IMPG1: variants seen among roughly 807,000 people sequenced by gnomAD.
The protein encoded by IMPG1 is interphotoreceptor matrix proteoglycan of 150 kDa.
IMPG1 carries 85 observed loss-of-function variants against 92.0 expected under a neutral mutation model. That is an observed-to-expected ratio of 0.92 (90% CI 0.78 to 1.11). IMPG1 has a LOEUF of 1.11. Among genes scored for constraint, IMPG1 ranks in the 50% least tolerant of loss-of-function variants. The pLI is 0.00. For missense variants in IMPG1, 1,022 were observed against 956.0 expected (o/e 1.07, Z -0.91); for synonymous variants, 367 against 334.1 (o/e 1.10, Z -1.08).
intron 14 of IMPG1, among the ~76,000 whole-genome samples, chr6:75,944,291 A>G (rs1312800254): frequency 1.3e-5 from 2 of 152,076 alleles, no homozygotes; most frequent in African/African-American, 4.8e-5. Flanking sequence ...TGGAAGGAAA[A>G]CCTTTGAGGG....
At chr6:75,942,769 T>G (rs527422190) in intron 14 of IMPG1, among the ~76,000 whole-genome samples, 7 of 152,184 alleles carry the variant, frequency 4.6e-5, no homozygotes, top group African/African-American at 7.2e-5. Context: ...TATTGCTAGA[T>G]TTAAAAAAGA....
intron 12 of IMPG1, among the ~76,000 whole-genome samples, chr6:75,966,965 G>A (rs1249497230): frequency 6.6e-6 from 1 of 152,114 alleles, no homozygotes; most frequent in African/African-American, 2.4e-5. Flanking sequence ...ATCATCTGAG[G>A]TCAGGAGTTC....
At chr6:75,960,198 A>C (rs1056826630) in intron 12 of IMPG1, among the ~76,000 whole-genome samples, 1 of 152,004 alleles carries the variant, frequency 6.6e-6, no homozygotes, top group Non-Finnish European at 1.5e-5. Flanking sequence ...CGTGGGCTGC[A>C]CCCACTGTCT....
At chr6:75,990,300 A>G (rs528573437) in intron 12 of IMPG1, among the ~76,000 whole-genome samples, 1 of 152,320 alleles carries the variant, frequency 6.6e-6, no homozygotes, top group South Asian at 2.1e-4. Flanking sequence ...AATACAGAGA[A>G]CGGGCCAACT....
chr6:76,001,486 T>C (rs1782989318), intron 12 of IMPG1, among the ~76,000 whole-genome samples: 1 of 152,100 alleles, frequency 6.6e-6, no homozygotes. Context: ...GCCTAGCAAT[T>C]GGAATGTGAG....
At chr6:76,005,818 G>A (rs1783086104) in intron 9 of IMPG1, among the ~76,000 whole-genome samples, 1 of 151,114 alleles carries the variant, frequency 6.6e-6, no homozygotes, top group Non-Finnish European at 1.5e-5. Context: ...TTTTACTTTA[G>A]GTTTTTTTTT....
intron 1 of IMPG1, among the ~76,000 whole-genome samples, chr6:76,070,170 C>A (rs1363676211): frequency 1.3e-5 from 2 of 152,114 alleles, no homozygotes; most frequent in Non-Finnish European, 2.9e-5. Context: ...TAACAAAGAA[C>A]ATGAACAGAT....
chr6:76,047,982 G>A (rs1219441344), intron 1 of IMPG1, among the ~76,000 whole-genome samples: 1 of 152,136 alleles, frequency 6.6e-6, no homozygotes, highest in Non-Finnish European at 1.5e-5. Context: ...GTATATTTTA[G>A]TACAATCTGC....
intron 12 of IMPG1, among the ~76,000 whole-genome samples, chr6:75,957,495 T>G (rs993811316): frequency 6.6e-6 from 1 of 152,278 alleles, no homozygotes; most frequent in East Asian, 1.9e-4. Flanking sequence ...CTGTCTAATA[T>G]AGATAGTGGG....
chr6:76,062,381 T>C (rs769860670), intron 1 of IMPG1, among the ~76,000 whole-genome samples: 12 of 152,214 alleles, frequency 7.9e-5, no homozygotes, highest in Non-Finnish European at 1.8e-4. Context: ...AAAATGATGC[T>C]TGTCAAAATT....
intron 12 of IMPG1, among the ~76,000 whole-genome samples, chr6:75,981,690 G>A (rs1782630555): frequency 6.6e-6 from 1 of 152,204 alleles, no homozygotes; most frequent in Non-Finnish European, 1.5e-5. Flanking sequence ...CTGCGTCAAA[G>A]CATTCTGTAA....
chr6:75,927,731 C>T lies in IMPG1; in HGVS notation c.2243+3222G>A, dbSNP rs79487730. On this transcript the variant is annotated intron_variant, in intron 15 of 16. Transcript: ENST00000369950. The stretch of plus-strand genomic sequence containing the variant: ...TAAGCATCTTTCCCTCCCTCCCTCC[C>T]TCCCTCCCTTTCTTCCTTCCCCACT... 7.3e-3 allele frequency among the ~76,000 whole-genome samples: 1,113 copies of T among 151,502 alleles called. 13 individuals are homozygous for T. The highest frequency in any genetic ancestry group is 0.026 in the African/African-American group (1,059 of 41,310).
intron 5 of IMPG1, 80 bp from the exon 6 acceptor site, chr6:76,022,299 C>T (rs962023058): frequency 3.8e-5 from 26 of 679,632 alleles, no homozygotes; most frequent in Non-Finnish European, 6.4e-5. Flanking sequence ...ATTCAATATG[C>T]TTTTTCTGTC....
At chr6:75,928,421 A>ACTC (rs1261630148) in intron 15 of IMPG1, 2 of 151,624 alleles carry the variant, frequency 1.3e-5, no homozygotes, top group Non-Finnish European at 2.9e-5. Context: ...CTGGTCTCCA[A>ACTC]CTCCTGACCT....
In IMPG1 at chr6:76,069,215, A is replaced by C. The variant is rs1784366555; in HGVS notation, c.67+3207T>G. On this transcript the variant is annotated intron_variant, in intron 1 of 16. Transcript: ENST00000369950. ...ACCAATATCCCTCACTGTATATAAA[A>C]ATTAGCCCAATAGAGATAAAAGACT... Among the ~76,000 whole-genome samples the C allele has an allele frequency of 2.6e-5, 4 of 152,156 alleles. No homozygotes were observed. In the South Asian group the frequency reaches 8.3e-4, roughly 32 times the overall value.
At chr6:76,064,011 C>T (rs1384337543) in intron 1 of IMPG1, among the ~76,000 whole-genome samples, 3 of 152,156 alleles carry the variant, frequency 2.0e-5, no homozygotes, top group African/African-American at 4.8e-5. Flanking sequence ...GTCAGGCAGC[C>T]TCAGTGCTGA....
intron 14 of IMPG1, among the ~76,000 whole-genome samples, chr6:75,946,926 A>C (rs558983645): frequency 6.6e-6 from 1 of 152,294 alleles, no homozygotes; most frequent in Non-Finnish European, 1.5e-5. Context: ...TTGCTTAGGT[A>C]GGAAGCCCCG....
At chr6:76,011,779 C>T (rs966904322) in intron 7 of IMPG1, among the ~76,000 whole-genome samples, 7 of 132,200 alleles carry the variant, frequency 5.3e-5, no homozygotes, top group Admixed American at 8.6e-5. Context: ...TATTCCCCTT[C>T]CTGTGTCCAT....
At chr6:76,058,406 G>A (rs562888985) in intron 1 of IMPG1, among the ~76,000 whole-genome samples, 17 of 152,134 alleles carry the variant, frequency 1.1e-4, no homozygotes, top group Non-Finnish European at 2.2e-4. Flanking sequence ...TTAGGAGTTA[G>A]CACTTATTGA....
Sources: gnomAD v4.1 joint callset for allele counts (sites outside exome capture counted in the v4.1 genomes callset) on GRCh38, gnomAD v4.1.1 for gene constraint, MANE v1.5 for transcripts, NCBI Gene and HGNC (gene_info 2026-07-23, HGNC 2026-07-21) for gene names.